The following GPC5 variants were observed in gnomAD, a reference collection of about 807,000 sequenced individuals.
GPC5 encodes the protein glypican-5.
A neutral mutation model predicts 53.9 loss-of-function variants in GPC5; 47 were observed. That is an observed-to-expected ratio of 0.87 (90% CI 0.69 to 1.11). The LOEUF (loss-of-function observed/expected upper bound fraction) is 1.11, where lower values mean the gene tolerates loss of function less well. GPC5 is among the 50% of genes most tolerant of loss of function. GPC5 has a pLI of 0.00. For synonymous variants in GPC5, 286 were observed against 263.3 expected, an observed-to-expected ratio of 1.09 and a Z score of -0.84; for missense variants, 748 against 713.1, an observed-to-expected ratio of 1.05 and a Z score of -0.56.
chr13:91,640,825 C>A (rs554130824), intron 2 of GPC5, among the ~76,000 whole-genome samples: 1 of 151,256 alleles, frequency 6.6e-6, no homozygotes, highest in African/African-American at 2.4e-5. Context: ...TACATGCACA[C>A]ACGTATGTTC....
intron 7 of GPC5, among the ~76,000 whole-genome samples, chr13:92,591,901 A>G (rs1046061949): frequency 6.6e-6 from 1 of 152,118 alleles, no homozygotes; most frequent in African/African-American, 2.4e-5. Flanking sequence ...CTTCGTTAAT[A>G]AATGTGAGCA....
intron 7 of GPC5, among the ~76,000 whole-genome samples, chr13:92,442,079 T>C (rs1039812028): frequency 6.6e-6 from 1 of 152,100 alleles, no homozygotes; most frequent in African/African-American, 2.4e-5. Flanking sequence ...GTGTATAAAG[T>C]GAAGTGAAAT....
chr13:92,424,567 G>A (rs1269074713), intron 7 of GPC5, among the ~76,000 whole-genome samples: 1 of 151,830 alleles, frequency 6.6e-6, no homozygotes. Flanking sequence ...ATATTATTAA[G>A]AGAAGAAAGC....
At chr13:92,135,330 G>A (rs995245772) in intron 6 of GPC5, among the ~76,000 whole-genome samples, 1 of 151,974 alleles carries the variant, frequency 6.6e-6, no homozygotes, top group Non-Finnish European at 1.5e-5. Context: ...TTCCTCTTTT[G>A]GTCCCACGAT....
At chr13:92,347,867 T>TAATATATATA (rs2043429138) in intron 7 of GPC5, among the ~76,000 whole-genome samples, 2 of 8,474 alleles carry the variant, frequency 2.4e-4, no homozygotes, top group African/African-American at 2.4e-3. Flanking sequence ...ATATATATTA[T>TAATATATATA]ATATATAATA....
intron 6 of GPC5, chr13:92,060,101 G>A (rs188015030): frequency 6.6e-6 from 1 of 151,838 alleles, no homozygotes. Context: ...GATATAGAGT[G>A]CTGATATGAT....
At chr13:91,449,067 C>T (rs912483001) in intron 2 of GPC5, 145 bp downstream of exon 2, 22 of 887,022 alleles carry the variant, frequency 2.5e-5, no homozygotes, top group Non-Finnish European at 3.5e-5. Flanking sequence ...CTTTTTCTAG[C>T]CTTCAAAACT....
At chr13:92,547,359 A>G (rs1398635098) in intron 7 of GPC5, among the ~76,000 whole-genome samples, 1 of 152,212 alleles carries the variant, frequency 6.6e-6, no homozygotes, top group Non-Finnish European at 1.5e-5. Context: ...TCTGTGAATA[A>G]CATTTCTCCA....
chr13:91,571,904 T>TACGTG (rs1485058372), intron 2 of GPC5, among the ~76,000 whole-genome samples: 2,575 of 62,304 alleles, frequency 0.041, 362 homozygotes, highest in African/African-American at 0.066. Context: ...TATACACATA[T>TACGTG]TGTATATATA....
chr13:91,782,095 T>C (rs567084757), intron 5 of GPC5, among the ~76,000 whole-genome samples: 1 of 152,322 alleles, frequency 6.6e-6, no homozygotes, highest in Non-Finnish European at 1.5e-5. Context: ...ATGCATTTTG[T>C]TTTTAGTCTG....
chr13:91,675,739 G>A (rs2035366963), intron 2 of GPC5, among the ~76,000 whole-genome samples: 3 of 152,174 alleles, frequency 2.0e-5, no homozygotes, highest in Non-Finnish European at 4.4e-5. Context: ...AATGGACTGT[G>A]TGAAGGGTTC....
intron 7 of GPC5, among the ~76,000 whole-genome samples, chr13:92,630,701 T>G (rs1885208118): frequency 1.3e-5 from 2 of 152,124 alleles, no homozygotes; most frequent in East Asian, 3.9e-4. Context: ...TAAAAAATTT[T>G]TTTAAACCTG....
At chr13:91,613,879 G>C (rs1486448291) in intron 2 of GPC5, among the ~76,000 whole-genome samples, 1 of 152,172 alleles carries the variant, frequency 6.6e-6, no homozygotes, top group Non-Finnish European at 1.5e-5. Context: ...ACTGAGTCCT[G>C]ATGACCACTA....
intron 6 of GPC5, among the ~76,000 whole-genome samples, chr13:92,067,388 T>C (rs2041175835): frequency 1.3e-5 from 2 of 152,056 alleles, no homozygotes; most frequent in Non-Finnish European, 2.9e-5. Context: ...TCTTTAATTC[T>C]GGTATGCGTG....
In GPC5 at chr13:91,817,164, C is replaced by A. The variant is rs575410370; in HGVS notation, c.1280+60744C>A. 5.3e-5 allele frequency among the ~76,000 whole-genome samples: 8 copies of A among 152,254 alleles called. No homozygotes were observed. The East Asian group carries it at 1.5e-3, about 29-fold the overall frequency. ...TTATTTTGTGATTTCCCCCAAAACACCAAAATGCAATGCCAGCTCTTGACA... is the reference window on the plus strand; with the variant it reads ...TTATTTTGTGATTTCCCCCAAAACAACAAAATGCAATGCCAGCTCTTGACA... On this transcript the variant is annotated intron_variant, in intron 5 of 7. Coordinates refer to ENST00000377067, the MANE Select transcript of GPC5 (RefSeq NM_004466.6).
intron 7 of GPC5, among the ~76,000 whole-genome samples, chr13:92,449,896 T>C (rs1411711632): frequency 6.6e-6 from 1 of 152,168 alleles, no homozygotes; most frequent in African/African-American, 2.4e-5. Context: ...ACATTAATCA[T>C]AGTCTAATAA....
At chr13:92,308,761 T>C (rs546295209) in intron 7 of GPC5, among the ~76,000 whole-genome samples, 7 of 152,254 alleles carry the variant, frequency 4.6e-5, no homozygotes, top group South Asian at 4.1e-4. Context: ...GCTTCTGATA[T>C]TGACTTTGGG....
chr13:92,263,737 A>C (rs962953557), intron 7 of GPC5, among the ~76,000 whole-genome samples: 1 of 152,140 alleles, frequency 6.6e-6, no homozygotes, highest in Admixed American at 6.6e-5. Flanking sequence ...TTAAGAATCC[A>C]TTTTGGCTTA....
chr13:91,787,275 G>T (rs1395302059), intron 5 of GPC5, among the ~76,000 whole-genome samples: 5 of 152,042 alleles, frequency 3.3e-5, no homozygotes, highest in African/African-American at 1.2e-4. Flanking sequence ...TCTGAGTTTT[G>T]ATTTTAAGGG....
Sources: allele counts gnomAD v4.1 joint callset (sites outside exome capture counted in the v4.1 genomes callset), GRCh38; gene constraint gnomAD v4.1.1; transcripts MANE v1.5; gene names NCBI Gene and HGNC (gene_info 2026-07-23, HGNC 2026-07-21).